FAT2: variants seen among roughly 807,000 people sequenced by gnomAD.
FAT2 encodes protocadherin Fat 2.
Under a neutral mutation model 295.3 loss-of-function variants are expected in FAT2, and 150 were observed. The observed-to-expected ratio is 0.51, with a 90% confidence interval of 0.44 to 0.58. The LOEUF is 0.58. Among genes scored for constraint, FAT2 ranks in the 20% least tolerant of loss-of-function variants. The pLI is 0.00. For synonymous variants in FAT2, 2,026 were observed against 2,150.3 expected (o/e 0.94, Z 1.60); for missense variants, 4,868 against 5,442.7 (o/e 0.89, Z 3.32).
chr5:151,592,416 T>C (rs1180222232), upstream of FAT2, among the ~76,000 whole-genome samples: 1 of 152,032 alleles, frequency 6.6e-6, no homozygotes, highest in Non-Finnish European at 1.5e-5. Context: ...CTGCAACCAT[T>C]CTGTCCAATC....
chr5:151,527,255 G>A lies in FAT2; in HGVS notation c.10287C>T (p.Leu3429=), dbSNP rs1396442725. 33 of 1,611,880 alleles carry A rather than the reference G, an allele frequency of 2.0e-5. No homozygotes were observed. The highest frequency in any genetic ancestry group is 2.8e-5 in the Non-Finnish European group (33 of 1,178,698). ...VNDNPPRFFQ[L]NYSTTVQENS... ...TTACCTGGACAGTGGTGCTGTAGTTGAGCTGGAAGAATCTCGGTGGGTTAT... is the reference window on the plus strand; with the variant it reads ...TTACCTGGACAGTGGTGCTGTAGTTAAGCTGGAAGAATCTCGGTGGGTTAT... The change falls in exon 17 of 24, where the codon CTC becomes CTT. Residue 3429 remains leucine, a synonymous_variant. Coordinates refer to ENST00000261800, the MANE Select transcript of FAT2 (RefSeq NM_001447.3).
chr5:151,519,801 A>T (rs1474124889), intron 19 of FAT2, among the ~76,000 whole-genome samples: 2 of 152,164 alleles, frequency 1.3e-5, no homozygotes, highest in African/African-American at 2.4e-5. Flanking sequence ...GTGATCCATG[A>T]GTTTATCTAG....
At chr5:151,569,241 T>A (rs1758428617) in intron 1 of FAT2, among the ~76,000 whole-genome samples, 1 of 152,134 alleles carries the variant, frequency 6.6e-6, no homozygotes, top group African/African-American at 2.4e-5. Context: ...GGAATGAGGT[T>A]TAATGGACTC....
At chr5:151,538,850 T>TTC (rs1314809239) in intron 11 of FAT2, among the ~76,000 whole-genome samples, 1 of 151,748 alleles carries the variant, frequency 6.6e-6, no homozygotes, top group Admixed American at 6.6e-5. Flanking sequence ...CTAATTTTTT[T>TTC]TTTTTTTGTA....
rs2127612030 is a variant in FAT2, at chr5:151,545,390, C to A, written c.5737G>T (p.Asp1913Tyr). 6.2e-7 allele frequency: 1 copy of A among 1,614,180 alleles called. No individual in the cohort carries two copies. Among genetic ancestry groups the A allele is most frequent in the Non-Finnish European group, 8.5e-7 (1 of 1,180,038 alleles). Residue 1913 changes from aspartate to tyrosine, a missense_variant, in exon 10 of 24, where the codon GAT becomes TAT. Asp to Tyr is a radical substitution (Grantham distance 160). Around this residue, in one of 5 missense-constraint regions of FAT2, gnomAD observed 3,297 missense variants for 3,669.4 expected, o/e 0.90. Transcript: ENST00000261800. Reference protein sequence around the residue: ...VNYSIKTGNADEAVTIHPVTG... With the variant: ...VNYSIKTGNAYEAVTIHPVTG... Reference sequence around the variant, plus strand: ...ACAGGATGGATGGTAACAGCTTCATCAGCATTGCCAGTTTTGATGCTATAA... The same window carrying A: ...ACAGGATGGATGGTAACAGCTTCATAAGCATTGCCAGTTTTGATGCTATAA...
chr5:151,573,425 C>T (rs903873704), intron 1 of FAT2, among the ~76,000 whole-genome samples: 7 of 152,156 alleles, frequency 4.6e-5, no homozygotes, highest in African/African-American at 1.2e-4. Flanking sequence ...GGAGGCCAAG[C>T]GGGGCAGATC....
At chr5:151,523,920 C>T (rs963962069) in intron 18 of FAT2, among the ~76,000 whole-genome samples, 2 of 152,210 alleles carry the variant, frequency 1.3e-5, no homozygotes, top group Non-Finnish European at 2.9e-5. Context: ...TGGGAGCCAA[C>T]AATTTAGAAA....
intron 20 of FAT2, among the ~76,000 whole-genome samples, chr5:151,514,798 C>G (rs1263381898): frequency 6.6e-6 from 1 of 152,170 alleles, no homozygotes; most frequent in Non-Finnish European, 1.5e-5. Flanking sequence ...TTAGCTAAAG[C>G]CAATCTCTCC....
intron 3 of FAT2, among the ~76,000 whole-genome samples, chr5:151,558,730 T>A (rs900304737): frequency 6.6e-6 from 1 of 152,176 alleles, no homozygotes; most frequent in Non-Finnish European, 1.5e-5. Flanking sequence ...TTCACTAGGG[T>A]CCTAGTACTG....
intron 18 of FAT2, among the ~76,000 whole-genome samples, chr5:151,525,077 C>T (rs1413642924): frequency 6.6e-6 from 1 of 152,220 alleles, no homozygotes; most frequent in South Asian, 2.1e-4. Flanking sequence ...CAAATGGCCT[C>T]GCATGTAGTA....
At chr5:151,536,133 G>T (rs561118446) in intron 12 of FAT2, among the ~76,000 whole-genome samples, 1 of 152,016 alleles carries the variant, frequency 6.6e-6, no homozygotes, top group Non-Finnish European at 1.5e-5. Flanking sequence ...GGAGGAAGGG[G>T]TTATCATGCA....
intron 1 of FAT2, among the ~76,000 whole-genome samples, chr5:151,586,836 T>C (rs1191561788): frequency 3.3e-5 from 5 of 152,152 alleles, no homozygotes; most frequent in Admixed American, 2.0e-4. Context: ...GAAATATAAT[T>C]GTTGACCAGG....
At chr5:151,554,702 G>A (rs1757528797) in intron 4 of FAT2, 29 bp from the exon 5 acceptor site, 1 of 1,568,416 alleles carries the variant, frequency 6.4e-7, no homozygotes, top group East Asian at 2.2e-5. Flanking sequence ...ATGAGCACCT[G>A]AGCTGACAAT....
At position 151,512,144 on chromosome 5, in the gene FAT2, G is replaced by A; in HGVS notation, c.11905+21C>T. The A allele has an allele frequency of 6.2e-7, 1 of 1,602,060 alleles. No individual in the cohort carries two copies. Among genetic ancestry groups the A allele is most frequent in the East Asian group, 2.2e-5 (1 of 44,612 alleles). On this transcript the variant is annotated intron_variant, in intron 21 of 23. Coordinates refer to ENST00000261800, the MANE Select transcript of FAT2 (RefSeq NM_001447.3). The surrounding 1 kb of genome is among the most constrained non-coding windows in gnomAD (Gnocchi z 4.1). ...CCTTCTGGGATAAACCCTGGGTTCA[G>A]CCTGGCACCCCAGCCCTCACCTGCC...
chr5:151,576,336 C>T (rs924633487), intron 1 of FAT2, among the ~76,000 whole-genome samples: 9 of 152,182 alleles, frequency 5.9e-5, no homozygotes, highest in Admixed American at 4.6e-4. Flanking sequence ...GATATATTAT[C>T]TGGAACAGTG....
At chr5:151,520,696 A>G (rs747438395) in intron 19 of FAT2, among the ~76,000 whole-genome samples, 11 of 152,224 alleles carry the variant, frequency 7.2e-5, no homozygotes, top group Non-Finnish European at 1.5e-5. Flanking sequence ...TAAAAAGCTC[A>G]GAGGGTTTTA....
At chr5:151,579,413 C>T (rs1758861966) in intron 1 of FAT2, among the ~76,000 whole-genome samples, 1 of 152,010 alleles carries the variant, frequency 6.6e-6, no homozygotes, top group African/African-American at 2.4e-5. Flanking sequence ...CTCTACAAAA[C>T]ATTTAAAAAT....
At chr5:151,589,402 A>C (rs1300841864) in intron 1 of FAT2, among the ~76,000 whole-genome samples, 1 of 152,258 alleles carries the variant, frequency 6.6e-6, no homozygotes. Flanking sequence ...TAGAGTATGC[A>C]GGAAGCTGAG....
At chr5:151,517,421 AC>A (rs1275042130) in intron 20 of FAT2, among the ~76,000 whole-genome samples, 198 bp downstream of exon 20, 1 of 152,160 alleles carries the variant, frequency 6.6e-6, no homozygotes, top group African/African-American at 2.4e-5. Context: ...CCGTCCTTGG[AC>A]GTATATCTCC....
Sources: allele counts gnomAD v4.1 joint callset (sites outside exome capture counted in the v4.1 genomes callset), GRCh38; gene constraint gnomAD v4.1.1; regional missense constraint gnomAD v4.1.1; non-coding constraint Gnocchi (gnomAD v3.1); transcripts MANE v1.5; gene names NCBI Gene and HGNC (gene_info 2026-07-23, HGNC 2026-07-21).